The following ANKRD26 variants were observed in gnomAD, a reference collection of about 807,000 sequenced individuals.
The protein encoded by ANKRD26 is ankyrin repeat domain-containing protein 26.
In ANKRD26, 141 loss-of-function variants were observed where a neutral mutation model predicts 208.7. The ratio of observed to expected loss-of-function variants is 0.68; its 90% CI spans 0.59 to 0.78. ANKRD26 has a LOEUF of 0.78. Ranked by LOEUF, ANKRD26 falls within the 30% of genes least tolerant of loss-of-function variation. The pLI is 0.00. For missense variants in ANKRD26, 1,889 were observed against 1,938.7 expected (o/e 0.97, Z 0.48); for synonymous variants, 636 against 660.4 (o/e 0.96, Z 0.57).
rs199912463 is a variant in ANKRD26, at chr10:27,047,724, A to ACT, written c.1814+1076_1814+1077insAG. Among the ~76,000 whole-genome samples the ACT allele has an allele frequency of 4.7e-3, 674 of 144,484 alleles. 6 individuals are homozygous for ACT. Among genetic ancestry groups the ACT allele is most frequent in the Non-Finnish European group, 6.4e-3 (421 of 66,108 alleles). The allele number at this position is 144,484 out of a possible 152,430, so 94.8% of individuals were successfully genotyped here. ...TAATACTACTACTACTACTACTACT[A>ACT]ATAATAATAATAATAATTATTATTA... On this transcript the variant is annotated intron_variant, in intron 17 of 33. Coordinates refer to ENST00000376087, the MANE Select transcript of ANKRD26 (RefSeq NM_014915.3).
chr10:27,055,770 C>T lies in ANKRD26; in HGVS notation c.1565-2380G>A, dbSNP rs117392365. On this transcript the variant is annotated intron_variant, in intron 15 of 33. Coordinates refer to ENST00000376087, the MANE Select transcript of ANKRD26 (RefSeq NM_014915.3). Reference sequence around the variant, plus strand: ...AAATTCTCAATGATTCCCACTAATACGGGGCAGTCCACTCTATAATATCTA... The same window carrying T: ...AAATTCTCAATGATTCCCACTAATATGGGGCAGTCCACTCTATAATATCTA... 1.7e-3 allele frequency among the ~76,000 whole-genome samples: 257 copies of T among 152,222 alleles called. 5 individuals are homozygous for T. The East Asian group carries it at 0.036, about 21-fold the overall frequency.
Position 27,013,089 on chromosome 10 carries a change from C to G in ANKRD26, c.4746G>C (p.Glu1582Asp). Reference sequence around the variant, plus strand: ...TTTCCACAAGAAGTTTGGTGTTGACCTCTGCTAGCCTCTCATTAGTTCTGT... The same window carrying G: ...TTTCCACAAGAAGTTTGGTGTTGACGTCTGCTAGCCTCTCATTAGTTCTGT... ...KLTKTNERLA[E>D]VNTKLLVEKQ... Residue 1582 changes from glutamate to aspartate, a missense_variant, in exon 32 of 34, where the codon GAG becomes GAC. By Grantham distance (45) the Glu-to-Asp change is conservative (BLOSUM62 2). Around this residue, in one of 3 missense-constraint regions of ANKRD26, gnomAD observed 613 missense variants for 648.2 expected, o/e 0.95. Coordinates refer to ENST00000376087, the MANE Select transcript of ANKRD26 (RefSeq NM_014915.3). 6.2e-7 allele frequency: 1 copy of G among 1,613,790 alleles called. No individual in the cohort carries two copies.
intron 5 of ANKRD26, among the ~76,000 whole-genome samples, chr10:26,992,915 C>T (rs577415133): frequency 2.8e-4 from 42 of 152,218 alleles, no homozygotes; most frequent in Admixed American, 1.4e-3. Flanking sequence ...GCACGGGTTC[C>T]GCTTTGGGCT....
At chr10:26,971,957 C>T (rs7095817), downstream of ANKRD26, among the ~76,000 whole-genome samples, 24,475 of 151,990 alleles carry the variant, frequency 0.16, 2,423 homozygotes, top group East Asian at 0.36. Context: ...GTCCAGTGGC[C>T]GGGCGCAGTG....
intron 4 of ANKRD26, among the ~76,000 whole-genome samples, chr10:27,091,191 T>C (rs2056288081): frequency 6.6e-6 from 1 of 152,216 alleles, no homozygotes; most frequent in Admixed American, 6.5e-5. Context: ...AATCAAATGC[T>C]ATATAATCTT....
chr10:27,050,093 G>A (rs879662592), intron 16 of ANKRD26, among the ~76,000 whole-genome samples: 6 of 151,454 alleles, frequency 4.0e-5, no homozygotes, highest in East Asian at 1.9e-4. Context: ...GGTGGTGGGC[G>A]CCTGTAATCC....
the ANKRD26 span, among the ~76,000 whole-genome samples, chr10:26,960,366 T>G: frequency 1.3e-5 from 2 of 152,086 alleles, no homozygotes; most frequent in African/African-American, 4.8e-5. Flanking sequence ...GCTCTGAGAC[T>G]CCATGAAAAA....
chr10:27,032,907 T>TA (rs1463015205), intron 25 of ANKRD26, among the ~76,000 whole-genome samples: 158 of 148,006 alleles, frequency 1.1e-3, no homozygotes, highest in Non-Finnish European at 1.9e-3. Flanking sequence ...TCGTCTCTAC[T>TA]AAAAAAAACC....
chr10:27,010,828 A>G (rs1223519407), intron 32 of ANKRD26, among the ~76,000 whole-genome samples: 1 of 152,004 alleles, frequency 6.6e-6, no homozygotes, highest in Non-Finnish European at 1.5e-5. Context: ...TTTGACATTC[A>G]TTTTCTTTTT....
At position 27,004,131 on chromosome 10, in the gene ANKRD26, A is replaced by T. The variant is rs2052791408; in HGVS notation, c.*1459T>A. ...GCAACCTACAAACAGTTTAGAAAAA[A>T]AATCTGTATTAAGTACCTATATTCA... On this transcript the variant is annotated 3_prime_UTR_variant, in exon 34 of 34. Transcript: ENST00000376087. 6.6e-6 allele frequency: 1 copy of T among 152,198 alleles called. No homozygotes were observed. The highest frequency in any genetic ancestry group is 2.4e-5 in the African/African-American group (1 of 41,448). The allele number at this position is 152,198 out of a possible 1,614,324, so 9.4% of individuals were successfully genotyped here. A position where few individuals can be genotyped will look rare whatever the true frequency, so the allele number is the denominator to read the frequency against.
chr10:26,969,981 C>T (rs1380911493), downstream of ANKRD26, among the ~76,000 whole-genome samples: 3 of 151,658 alleles, frequency 2.0e-5, no homozygotes, highest in Non-Finnish European at 2.9e-5. Context: ...ATTACAGGTG[C>T]GTGCCACCAT....
At chr10:27,011,473 G>A (rs1260993400) in intron 32 of ANKRD26, among the ~76,000 whole-genome samples, 1 of 151,988 alleles carries the variant, frequency 6.6e-6, no homozygotes, top group Non-Finnish European at 1.5e-5. Flanking sequence ...TCAAAAGTTA[G>A]ACAAGTATCT....
At position 27,034,904 on chromosome 10, in the gene ANKRD26, A is replaced by T; in HGVS notation, c.3546T>A (p.Ser1182Arg). The change falls in exon 24 of 34, where the codon AGT becomes AGA. Residue 1182 changes from serine to arginine, a missense_variant. Physicochemically the swap from Ser to Arg is moderately radical, Grantham distance 110. Transcript: ENST00000376087. ...CTTCTAGCAGAAGACTTTGCTTTTC[A>T]CTCTCAGCTTGAAGTTTTTGCACAA... ...HAIVQKLQAE[S>R]EKQSLLLEER... The T allele has an allele frequency of 6.2e-7, 1 of 1,613,360 alleles. No homozygotes were observed.
chr10:27,014,160 T>C (rs1015225699), intron 31 of ANKRD26, among the ~76,000 whole-genome samples: 2 of 152,150 alleles, frequency 1.3e-5, no homozygotes, highest in African/African-American at 4.8e-5. Context: ...TCATTAATAA[T>C]TATATTTATG....
intron 25 of ANKRD26, among the ~76,000 whole-genome samples, chr10:27,031,592 G>T (rs1248025043): frequency 2.0e-5 from 3 of 152,064 alleles, no homozygotes; most frequent in African/African-American, 7.2e-5. Context: ...TTCTTTTCAG[G>T]GTGATAACAA....
chr10:26,988,184 A>G (rs2134652628), downstream of ANKRD26, among the ~76,000 whole-genome samples: 1 of 152,292 alleles, frequency 6.6e-6, no homozygotes, highest in Non-Finnish European at 1.5e-5. Flanking sequence ...CAGTTCCTAC[A>G]ATAGCCAGCC....
chr10:27,094,158 C>T (rs2056391994), intron 1 of ANKRD26, among the ~76,000 whole-genome samples: 1 of 152,172 alleles, frequency 6.6e-6, no homozygotes, highest in African/African-American at 2.4e-5. Context: ...CTCCTTCTGC[C>T]CTTATTGTTA....
intron 1 of ANKRD26, among the ~76,000 whole-genome samples, chr10:27,094,986 A>G (rs1011466019): frequency 6.6e-6 from 1 of 150,398 alleles, no homozygotes; most frequent in African/African-American, 2.5e-5. Context: ...GGCAACAGAG[A>G]GAGACCCTGT....
At chr10:27,036,288 A>G (rs756350369) in intron 23 of ANKRD26, among the ~76,000 whole-genome samples, 5 of 152,028 alleles carry the variant, frequency 3.3e-5, no homozygotes, top group Non-Finnish European at 5.9e-5. Flanking sequence ...GCATTGTACT[A>G]AGCACTTCTA....
Sources: allele counts gnomAD v4.1 joint callset (sites outside exome capture counted in the v4.1 genomes callset), GRCh38; gene constraint gnomAD v4.1.1; regional missense constraint gnomAD v4.1.1; transcripts MANE v1.5; gene names NCBI Gene and HGNC (gene_info 2026-07-23, HGNC 2026-07-21).